TAFA2: variants seen among roughly 807,000 people sequenced by gnomAD.
The protein encoded by TAFA2 is chemokine-like protein TAFA-2.
In TAFA2, 7 loss-of-function variants were observed where a neutral mutation model predicts 18.8. That is an observed-to-expected ratio of 0.37 (90% CI 0.21 to 0.70). The LOEUF (loss-of-function observed/expected upper bound fraction) is 0.70, where lower values mean the gene tolerates loss of function less well. TAFA2 is among the 30% of genes least tolerant of loss of function. TAFA2 has a pLI of 0.53. For missense variants in TAFA2, 122 were observed against 158.1 expected (o/e 0.77, Z 1.23); for synonymous variants, 60 against 54.2 (o/e 1.11, Z -0.47).
intron 2 of TAFA2, among the ~76,000 whole-genome samples, chr12:61,790,783 T>C (rs576241330): frequency 1.3e-5 from 2 of 151,938 alleles, no homozygotes; most frequent in South Asian, 4.1e-4. Context: ...AAAATGCTCA[T>C]ACTACCCAAA....
chr12:61,720,686 C>A, intron 4 of TAFA2: 2 of 357,624 alleles, frequency 5.6e-6, no homozygotes, highest in Non-Finnish European at 1.1e-5. Context: ...CATGTACACA[C>A]CTGCTGCTTT....
chr12:61,954,334 T>G (rs1466753097), intron 1 of TAFA2, among the ~76,000 whole-genome samples: 1 of 152,156 alleles, frequency 6.6e-6, no homozygotes, highest in Non-Finnish European at 1.5e-5. Context: ...AAGCACGGTG[T>G]TTTTTAATCC....
At chr12:61,760,836 A>G (rs928149757) in intron 2 of TAFA2, among the ~76,000 whole-genome samples, 2 of 151,766 alleles carry the variant, frequency 1.3e-5, no homozygotes, top group Non-Finnish European at 2.9e-5. Flanking sequence ...GAAAAAGAAC[A>G]AACAATTTTA....
intron 1 of TAFA2, among the ~76,000 whole-genome samples, chr12:62,011,351 GTGTC>G (rs1014143522): frequency 2.0e-5 from 3 of 152,178 alleles, no homozygotes; most frequent in Non-Finnish European, 2.9e-5. Flanking sequence ...GATTGTTACT[GTGTC>G]TGTGTAGAAA....
chr12:61,920,983 C>T (rs1034854097), intron 1 of TAFA2, among the ~76,000 whole-genome samples: 17 of 152,128 alleles, frequency 1.1e-4, no homozygotes, highest in Admixed American at 8.5e-4. Context: ...CCACTGAAAA[C>T]GCCAAGAGGT....
chr12:62,134,770 G>A lies in TAFA2; in HGVS notation c.-2+56489C>T, dbSNP rs895291805. On this transcript the variant is annotated intron_variant, in intron 1 of 4. Transcript: ENST00000416284. ...GTCAATACCTAATATCGAATGAATGGTTCCTACTACTTCTCCAGTTAACTT... is the reference window on the plus strand; with the variant it reads ...GTCAATACCTAATATCGAATGAATGATTCCTACTACTTCTCCAGTTAACTT... 1.3e-4 allele frequency among the ~76,000 whole-genome samples: 20 copies of A among 151,914 alleles called. 1 individual carries two copies. Among genetic ancestry groups the A allele is most frequent in the Non-Finnish European group, 1.5e-5 (1 of 67,942 alleles).
At chr12:62,105,414 T>G (rs1260204493) in intron 1 of TAFA2, among the ~76,000 whole-genome samples, 1 of 152,184 alleles carries the variant, frequency 6.6e-6, no homozygotes, top group African/African-American at 2.4e-5. Context: ...TGTTCAGAAG[T>G]AAGTTTATAA....
At chr12:61,994,011 A>T (rs1350147019) in intron 1 of TAFA2, among the ~76,000 whole-genome samples, 1 of 152,148 alleles carries the variant, frequency 6.6e-6, no homozygotes, top group Admixed American at 6.5e-5. Context: ...TGCTCTCTAC[A>T]TACTAATGGT....
At chr12:62,011,487 T>A (rs920716853) in intron 1 of TAFA2, among the ~76,000 whole-genome samples, 7 of 152,138 alleles carry the variant, frequency 4.6e-5, no homozygotes, top group African/African-American at 7.2e-5. Flanking sequence ...CTGTGTCAAC[T>A]CAGGGTTAAA....
At chr12:61,943,723 G>A (rs1316752887) in intron 1 of TAFA2, among the ~76,000 whole-genome samples, 4 of 151,272 alleles carry the variant, frequency 2.6e-5, no homozygotes, top group African/African-American at 7.3e-5. Flanking sequence ...TTACATAATG[G>A]TAAAGGGATC....
rs186203455 is a variant in TAFA2 at position 62,184,215 on chromosome 12, C to T, written c.-2+7044G>A. ...CAACTAGAAAAGTATAAATTTTGACCCAATTCTGAATGTATATTGATAAGC... is the reference window on the plus strand; with the variant it reads ...CAACTAGAAAAGTATAAATTTTGACTCAATTCTGAATGTATATTGATAAGC... On this transcript the variant is annotated intron_variant, in intron 1 of 4. Transcript: ENST00000416284. 8.1e-4 allele frequency among the ~76,000 whole-genome samples: 123 copies of T among 152,074 alleles called. 1 individual carries two copies. The highest frequency in any genetic ancestry group is 1.1e-3 in the Non-Finnish European group (77 of 67,984).
At chr12:62,175,570 AT>A (rs1453232017) in intron 1 of TAFA2, among the ~76,000 whole-genome samples, 1 of 152,012 alleles carries the variant, frequency 6.6e-6, no homozygotes, top group Non-Finnish European at 1.5e-5. Flanking sequence ...TTTATACCAT[AT>A]TTTCACTTTG....
intron 1 of TAFA2, among the ~76,000 whole-genome samples, chr12:62,245,607 A>C (rs2062881201): frequency 6.8e-6 from 1 of 148,120 alleles, no homozygotes; most frequent in South Asian, 2.1e-4. Flanking sequence ...TATGTAATAC[A>C]TATAAATATA....
intron 2 of TAFA2, among the ~76,000 whole-genome samples, chr12:61,856,245 T>C (rs1214225342): frequency 5.3e-5 from 8 of 152,068 alleles, no homozygotes; most frequent in Admixed American, 2.6e-4. Context: ...CTATACTATA[T>C]GCTAATTGAC....
chr12:61,910,350 A>T (rs1876557177), intron 1 of TAFA2, among the ~76,000 whole-genome samples: 1 of 152,176 alleles, frequency 6.6e-6, no homozygotes, highest in African/African-American at 2.4e-5. Flanking sequence ...TAACTAAATT[A>T]TAAGAAATAA....
chr12:62,107,197 GC>G (rs1869499009), intron 1 of TAFA2, among the ~76,000 whole-genome samples: 1 of 98,678 alleles, frequency 1.0e-5, no homozygotes, highest in Non-Finnish European at 2.0e-5. Context: ...CCACCCACCC[GC>G]CCCCCAACCC....
chr12:62,113,967 C>A (rs985031010), intron 1 of TAFA2, among the ~76,000 whole-genome samples: 1 of 152,182 alleles, frequency 6.6e-6, no homozygotes, highest in Non-Finnish European at 1.5e-5. Flanking sequence ...CCACTTGGCT[C>A]CCTGGCTTAC....
intron 1 of TAFA2, among the ~76,000 whole-genome samples, chr12:61,979,386 C>A (rs1035093627): frequency 3.9e-5 from 6 of 152,056 alleles, no homozygotes; most frequent in African/African-American, 1.4e-4. Context: ...GCCACAGAAG[C>A]ACATCTCAAA....
chr12:61,945,092 A>G (rs1055962136), intron 1 of TAFA2, among the ~76,000 whole-genome samples: 1 of 136,368 alleles, frequency 7.3e-6, no homozygotes, highest in Non-Finnish European at 1.5e-5. Flanking sequence ...CAGCACATCA[A>G]AAAGCTTATC....
Sources: allele counts gnomAD v4.1 joint callset (sites outside exome capture counted in the v4.1 genomes callset), GRCh38; gene constraint gnomAD v4.1.1; transcripts MANE v1.5; gene names NCBI Gene and HGNC (gene_info 2026-07-23, HGNC 2026-07-21).